The following DDC variants were observed in gnomAD, a reference collection of about 807,000 sequenced individuals.
The protein encoded by DDC is aromatic-L-amino-acid decarboxylase.
A neutral mutation model predicts 60.0 loss-of-function variants in DDC; 43 were observed. The ratio of observed to expected loss-of-function variants is 0.72; its 90% CI spans 0.56 to 0.92. The LOEUF (loss-of-function observed/expected upper bound fraction) is 0.92. DDC is among the 40% of genes least tolerant of loss of function. The pLI is 0.00. For synonymous variants in DDC, 232 were observed against 234.6 expected (o/e 0.99, Z 0.10); for missense variants, 573 against 620.2 (o/e 0.92, Z 0.81).
chr7:50,492,937 C>G (rs780998758), intron 9 of DDC: 6 of 1,597,938 alleles, frequency 3.8e-6, no homozygotes, highest in Non-Finnish European at 5.1e-6. Flanking sequence ...AAAGGCTCAA[C>G]TCCTTCTCAC....
chr7:50,485,891 T>C (rs1303519018), intron 9 of DDC, among the ~76,000 whole-genome samples: 1 of 152,198 alleles, frequency 6.6e-6, no homozygotes, highest in East Asian at 1.9e-4. Flanking sequence ...GATCAGTGGA[T>C]CCTGCCTCTT....
Position 50,539,869 on chromosome 7 carries a change from C to T in DDC, c.315+46G>A, listed in dbSNP as rs2044560151. 3.4e-6 allele frequency: 5 copies of T among 1,472,568 alleles called. No homozygotes were observed. The African/African-American group carries it at 4.2e-5, about 12-fold the overall frequency. The allele number at this position is 1,472,568 out of a possible 1,614,324, so 91.2% of individuals were successfully genotyped here. Reference sequence around the variant, plus strand: ...AGGTACCGTGTCCCCACCCCGGGATCCCACCACAGCCAGGACCCCTTCCCG... The same window carrying T: ...AGGTACCGTGTCCCCACCCCGGGATTCCACCACAGCCAGGACCCCTTCCCG... On this transcript the variant is annotated intron_variant, in intron 3 of 14. Coordinates refer to ENST00000444124, the MANE Select transcript of DDC (RefSeq NM_001082971.2).
At chr7:50,549,173 T>G (rs2044900883) in intron 1 of DDC, among the ~76,000 whole-genome samples, 1 of 152,234 alleles carries the variant, frequency 6.6e-6, no homozygotes, top group African/African-American at 2.4e-5. Context: ...AATTAATGTT[T>G]TCATTCCTGC....
chr7:50,492,824 T>C, intron 9 of DDC: 33 of 1,518,524 alleles, frequency 2.2e-5, no homozygotes, highest in Non-Finnish European at 2.8e-5. Flanking sequence ...GGAAGAGTTG[T>C]CCGGGAGAGA....
At chr7:50,531,123 T>C (rs1328459501) in intron 4 of DDC, among the ~76,000 whole-genome samples, 1 of 152,232 alleles carries the variant, frequency 6.6e-6, no homozygotes, top group Non-Finnish European at 1.5e-5. Context: ...TATATTTTCA[T>C]GAGCAATGAT....
chr7:50,481,032 A>G (rs2042757041), intron 9 of DDC, among the ~76,000 whole-genome samples: 1 of 152,186 alleles, frequency 6.6e-6, no homozygotes, highest in Admixed American at 6.5e-5. Context: ...AAAGTATCCT[A>G]AGGGCAAACT....
chr7:50,481,992 A>G (rs563273872), intron 9 of DDC, among the ~76,000 whole-genome samples: 27 of 152,136 alleles, frequency 1.8e-4, no homozygotes, highest in Admixed American at 4.6e-4. Context: ...ATCATTTCCC[A>G]TTTATTGATA....
At chr7:50,542,861 C>G (rs774484602) in intron 2 of DDC, 1 of 152,196 alleles carries the variant, frequency 6.6e-6, no homozygotes, top group Admixed American at 6.5e-5. Flanking sequence ...GAAACCAGTC[C>G]CTGAGGTCCA....
intron 1 of DDC, among the ~76,000 whole-genome samples, chr7:50,554,926 G>T (rs2045130265): frequency 6.6e-6 from 1 of 152,172 alleles, no homozygotes; most frequent in Admixed American, 6.5e-5. Context: ...GGAGAAGGGT[G>T]GACTCTGGAT....
chr7:50,558,085 C>T (rs958476492), intron 1 of DDC, among the ~76,000 whole-genome samples: 13 of 145,402 alleles, frequency 8.9e-5, no homozygotes, highest in Non-Finnish European at 1.4e-4. Context: ...TCACCCCCCC[C>T]CTTACAAATT....
chr7:50,496,673 A>G (rs1242087052), intron 8 of DDC, among the ~76,000 whole-genome samples: 4 of 152,186 alleles, frequency 2.6e-5, no homozygotes, highest in Non-Finnish European at 5.9e-5. Flanking sequence ...CTTAATGGCC[A>G]GGGATTTGGC....
At chr7:50,498,274 T>C (rs2043169067) in intron 8 of DDC, among the ~76,000 whole-genome samples, 1 of 152,242 alleles carries the variant, frequency 6.6e-6, no homozygotes, top group African/African-American at 2.4e-5. Flanking sequence ...CAGAGGACTG[T>C]GCCCTTCATC....
At chr7:50,526,037 TA>T (rs1213782164) in intron 6 of DDC, among the ~76,000 whole-genome samples, 1 of 151,772 alleles carries the variant, frequency 6.6e-6, no homozygotes, top group Non-Finnish European at 1.5e-5. Context: ...GGGAAGATAA[TA>T]GGTTAGAATT....
chr7:50,512,609 A>G (rs1337624766), intron 6 of DDC, among the ~76,000 whole-genome samples: 3 of 152,172 alleles, frequency 2.0e-5, no homozygotes, highest in African/African-American at 7.2e-5. Flanking sequence ...CCAAAGTGAG[A>G]AAAAGGGAAC....
At chr7:50,550,715 T>A (rs1051835474) in intron 1 of DDC, among the ~76,000 whole-genome samples, 2 of 152,210 alleles carry the variant, frequency 1.3e-5, no homozygotes, top group African/African-American at 4.8e-5. Context: ...TGAGATACAG[T>A]TAGTTGCATT....
At position 50,469,265 on chromosome 7, in the gene DDC, A is replaced by ATTTT. The variant is rs1398379699; in HGVS notation, c.1140+807_1140+808insAAAA. Among the ~76,000 whole-genome samples the ATTTT allele has an allele frequency of 6.0e-3, 910 of 151,024 alleles. 16 individuals carry two copies. The highest frequency in any genetic ancestry group is 0.021 in the African/African-American group (852 of 40,906). ...AGCCAATTGTTATTTTAAAAAAAAA[A>ATTTT]AAAAAAAAAAAAGCAGGGGAGTGGG... On this transcript the variant is annotated intron_variant, in intron 12 of 14. Coordinates refer to ENST00000444124, the MANE Select transcript of DDC (RefSeq NM_001082971.2).
At chr7:50,524,259 T>C in intron 6 of DDC, among the ~76,000 whole-genome samples, 1 of 152,190 alleles carries the variant, frequency 6.6e-6, no homozygotes, top group Admixed American at 6.5e-5. Context: ...ATTATACACT[T>C]GTTAAAACAT....
At chr7:50,510,825 C>CA (rs1166994723) in intron 6 of DDC, among the ~76,000 whole-genome samples, 6 of 150,958 alleles carry the variant, frequency 4.0e-5, no homozygotes, top group African/African-American at 1.5e-4. Context: ...ACTAAAAATA[C>CA]AAAAAATTAG....
chr7:50,489,087 GC>G (rs2042945652), intron 9 of DDC, among the ~76,000 whole-genome samples: 1 of 152,214 alleles, frequency 6.6e-6, no homozygotes, highest in East Asian at 1.9e-4. Flanking sequence ...GCTCACTGCA[GC>G]CTCTGCCTCC....
Sources: allele counts gnomAD v4.1 joint callset (sites outside exome capture counted in the v4.1 genomes callset), GRCh38; gene constraint gnomAD v4.1.1; transcripts MANE v1.5; gene names NCBI Gene and HGNC (gene_info 2026-07-23, HGNC 2026-07-21).